Variants in FBN2 observed in about 807,000 individuals in gnomAD.
FBN2 encodes the protein fibrillin-2.
A neutral mutation model predicts 355.6 loss-of-function variants in FBN2; 105 were observed. The observed-to-expected ratio is 0.30, with a 90% CI of 0.25 to 0.35. The LOEUF (loss-of-function observed/expected upper bound fraction) is 0.35. Ranked by LOEUF, FBN2 falls within the 10% of genes least tolerant of loss-of-function variation. The pLI, the probability that FBN2 is intolerant of heterozygous loss-of-function variation, is 1.00. For missense variants in FBN2, 3,280 were observed against 3,758.7 expected, an observed-to-expected ratio of 0.87 and a Z score of 3.33; for synonymous variants, 1,350 against 1,301.2, an observed-to-expected ratio of 1.04 and a Z score of -0.81.
chr5:128,328,845 C>T, intron 33 of FBN2, 24 bp from the exon 34 acceptor site: 1 of 1,613,752 alleles, frequency 6.2e-7, no homozygotes, highest in South Asian at 1.1e-5. Context: ...CAAATTACAT[C>T]TCTGTTAAGT....
In FBN2 at chr5:128,259,427, T is replaced by C; in HGVS notation, c.*28A>G. ...TTCTGCAGACTGGCTGTGCTAGGAT[T>C]TGAGCCTGGGCCCAAGTCTGTGAAG... On this transcript the variant is annotated 3_prime_UTR_variant, in exon 65 of 65. Transcript: ENST00000262464. 1 of 1,612,404 alleles carries C rather than the reference T, an allele frequency of 6.2e-7. No individual in the cohort carries two copies. The highest frequency in any genetic ancestry group is 8.5e-7 in the Non-Finnish European group (1 of 1,179,906).
intron 24 of FBN2, among the ~76,000 whole-genome samples, chr5:128,344,772 C>T (rs865853440): frequency 1.3e-5 from 2 of 151,216 alleles, no homozygotes; most frequent in Admixed American, 6.6e-5. Context: ...ACAATCTTGG[C>T]TCACTGCAAC....
At chr5:128,350,821 G>A in intron 21 of FBN2, 47 bp downstream of exon 21, 1 of 1,610,046 alleles carries the variant, frequency 6.2e-7, no homozygotes, top group Non-Finnish European at 8.5e-7. Flanking sequence ...CTAGTGGCAG[G>A]AGAAGTTTCC....
rs367961012 is a variant in FBN2, at chr5:128,330,635, G to T, written c.4283C>A (p.Thr1428Asn). Residue 1428 changes from threonine (T) to asparagine (N), a missense_variant, in exon 33 of 65, where the codon ACC becomes AAC. Thr to Asn is a moderately conservative substitution (Grantham distance 65). Coordinates refer to ENST00000262464, the MANE Select transcript of FBN2 (RefSeq NM_001999.4). ...QCSINAQCVN[T>N]PGSYRCACSE... The stretch of plus-strand genomic sequence containing the variant: ...GCAGGCACAGCGGTATGAGCCCGGG[G>T]TATTTACACACTGAGCATTGATGCT... The T allele has an allele frequency of 2.9e-5, 47 of 1,613,794 alleles. 1 individual carries two copies. The South Asian group carries it at 4.4e-4, about 15-fold the overall frequency.
At chr5:128,488,153 T>C (rs1234697054) in intron 5 of FBN2, among the ~76,000 whole-genome samples, 1 of 152,192 alleles carries the variant, frequency 6.6e-6, no homozygotes, top group Non-Finnish European at 1.5e-5. Flanking sequence ...GTTGCCAGGA[T>C]AAAACCTTGG....
intron 7 of FBN2, among the ~76,000 whole-genome samples, chr5:128,438,069 C>G (rs149831958): frequency 6.6e-6 from 1 of 152,314 alleles, no homozygotes; most frequent in East Asian, 1.9e-4. Context: ...CAGGTAACTG[C>G]AACCTCCGCC....
rs1218219158 is a variant in FBN2 at position 128,361,748 on chromosome 5, G to A, written c.2529C>T (p.Phe843=). The A allele has an allele frequency of 6.2e-7, 1 of 1,613,984 alleles. No homozygotes were observed. Among genetic ancestry groups the A allele is most frequent in the African/African-American group, 1.3e-5 (1 of 74,908 alleles). ...CTTCACAGGTCTCTGTCTCAGTCCT[G>A]AACACATACCCTGGTGGGCACGTAC... is the stretch of plus-strand genomic sequence containing the variant. ...YSCTCPPGYV[F]RTETETCEDI... is the part of the protein sequence containing the mutation. The change falls in exon 19 of 65, where the codon TTC becomes TTT. Residue 843 remains phenylalanine (F), a synonymous_variant. Transcript: ENST00000262464.
chr5:128,536,974 G>C (rs936280431), intron 1 of FBN2, among the ~76,000 whole-genome samples: 31 of 151,996 alleles, frequency 2.0e-4, no homozygotes, highest in African/African-American at 7.2e-4. Flanking sequence ...GCTCACGAGC[G>C]GCGGCCCCGA....
At chr5:128,450,422 T>C (rs948978790) in intron 6 of FBN2, among the ~76,000 whole-genome samples, 1 of 152,064 alleles carries the variant, frequency 6.6e-6, no homozygotes, top group Non-Finnish European at 1.5e-5. Context: ...TTAAACAATA[T>C]ACTTTGAAAC....
In FBN2 at chr5:128,339,162, C is replaced by T. The variant is rs966297316; in HGVS notation, c.3344-101G>A. The T allele has an allele frequency of 1.3e-5, 16 of 1,205,784 alleles. No individual in the cohort carries two copies. The East Asian group carries it at 3.8e-4, about 29-fold the overall frequency. 74.7% of individuals were successfully genotyped at this position (1,205,784 alleles called of 1,614,324 possible). On this transcript the variant is annotated intron_variant, in intron 25 of 64. Coordinates refer to ENST00000262464, the MANE Select transcript of FBN2 (RefSeq NM_001999.4). ...CTTGAAAAGTTGGGGAAATTGCTGG[C>T]TAACAGTACAAGGGTATGTTTTCAG...
rs199729928 is a variant in FBN2 at position 128,276,072 on chromosome 5, C to G, written c.7560G>C (p.Gly2520=). The part of the protein sequence containing the change: ...EGSYQCSCPR[G]YVLQEDGKTC... ...TCTTTCCATCCTCTTGCAGGACATA[C>G]CCCCTCGGACATGAACACTGATAAC... The change falls in exon 59 of 65, where the codon GGG becomes GGC. Residue 2520 remains glycine (G), a synonymous_variant. Transcript: ENST00000262464. The G allele has an allele frequency of 5.6e-6, 9 of 1,613,666 alleles. No homozygotes were observed. Among genetic ancestry groups the G allele is most frequent in the South Asian group, 1.1e-5 (1 of 91,068 alleles).
intron 4 of FBN2, 152 bp from the exon 5 acceptor site, chr5:128,519,520 T>A (rs1278547018): frequency 1.5e-6 from 1 of 683,130 alleles, no homozygotes; most frequent in Non-Finnish European, 2.7e-6. Flanking sequence ...CAGGTTAAAG[T>A]TCACATCTTA....
chr5:128,374,296 A>G (rs773034830), intron 15 of FBN2, among the ~76,000 whole-genome samples: 3 of 152,152 alleles, frequency 2.0e-5, no homozygotes, highest in Non-Finnish European at 2.9e-5. Context: ...TTCATCCATC[A>G]CTACAGATGA....
At chr5:128,352,768 T>C (rs778496039) in intron 20 of FBN2, among the ~76,000 whole-genome samples, 6 of 152,164 alleles carry the variant, frequency 3.9e-5, no homozygotes, top group Non-Finnish European at 7.4e-5. Flanking sequence ...GGAAAACACT[T>C]TACCAAAACC....
chr5:128,317,632 G>GT (rs1220706300), intron 36 of FBN2, among the ~76,000 whole-genome samples: 58 of 152,100 alleles, frequency 3.8e-4, no homozygotes, highest in Non-Finnish European at 2.1e-4. Context: ...CTGGACAATT[G>GT]TTTTTTTAAG....
intron 8 of FBN2, among the ~76,000 whole-genome samples, chr5:128,400,519 T>C (rs1037374219): frequency 6.6e-6 from 1 of 152,184 alleles, no homozygotes; most frequent in African/African-American, 2.4e-5. Context: ...TTGTTTGATC[T>C]AATGGATATA....
In FBN2 at chr5:128,335,979, T is replaced by TC; in HGVS notation, c.3724+8dup. ...ATATGAGTTTCAGGCCTGCTTGGTC[T>TC]CCCCTTACCTGTACAGCCCTGGCGG... On this transcript the variant is annotated intron_variant, in intron 28 of 64. Transcript: ENST00000262464. 6.2e-7 allele frequency: 1 copy of TC among 1,613,902 alleles called. No individual in the cohort carries two copies. The highest frequency in any genetic ancestry group is 8.5e-7 in the Non-Finnish European group (1 of 1,179,920).
chr5:128,429,426 A>T (rs902079609), intron 7 of FBN2, among the ~76,000 whole-genome samples: 1 of 152,230 alleles, frequency 6.6e-6, no homozygotes, highest in Non-Finnish European at 1.5e-5. Flanking sequence ...AATTTTAATT[A>T]TCTTCTTAAA....
Position 128,374,555 on chromosome 5 carries a change from G to A in FBN2, c.2095+73C>T, listed in dbSNP as rs1409844657. 7 of 1,583,060 alleles carry A rather than the reference G, an allele frequency of 4.4e-6. No homozygotes were observed. In the African/African-American group the frequency reaches 8.1e-5, roughly 18 times the overall value. ...TTCTTATGGTGAATATTACTCCACT[G>A]TATAGAAATATCTCTGTCAGTTTTT... On this transcript the variant is annotated intron_variant, in intron 15 of 64. Transcript: ENST00000262464.
Sources: allele counts gnomAD v4.1 joint callset (sites outside exome capture counted in the v4.1 genomes callset), GRCh38; gene constraint gnomAD v4.1.1; transcripts MANE v1.5; gene names NCBI Gene and HGNC (gene_info 2026-07-23, HGNC 2026-07-21).